The following ANKFN1 variants were observed in gnomAD, a reference collection of about 807,000 sequenced individuals.
The protein encoded by ANKFN1 is ankyrin repeat and fibronectin type-III domain-containing protein 1.
ANKFN1 carries 74 observed loss-of-function variants against 108.7 expected under a neutral mutation model. That is an observed-to-expected ratio of 0.68 (90% CI 0.56 to 0.83). The LOEUF (loss-of-function observed/expected upper bound fraction) is 0.83, where lower values mean the gene tolerates loss of function less well. Ranked by LOEUF, ANKFN1 falls within the 40% of genes least tolerant of loss-of-function variation. The pLI, the probability that ANKFN1 is intolerant of heterozygous loss-of-function variation, is 0.00. For synonymous variants in ANKFN1, 547 were observed against 516.2 expected (o/e 1.06, Z -0.81); for missense variants, 1,505 against 1,382.3 (o/e 1.09, Z -1.41).
At chr17:56,409,100 T>A (rs1163043040) in intron 8 of ANKFN1, among the ~76,000 whole-genome samples, 3 of 151,844 alleles carry the variant, frequency 2.0e-5, no homozygotes, top group East Asian at 1.9e-4. Context: ...AATTTTTGTA[T>A]TTTTAGTAAA....
intron 8 of ANKFN1, among the ~76,000 whole-genome samples, chr17:56,428,397 T>C (rs1051172115): frequency 1.3e-5 from 2 of 152,042 alleles, no homozygotes; most frequent in African/African-American, 2.4e-5. Flanking sequence ...GTTCACCTTT[T>C]GTGACATTAA....
At chr17:56,282,030 A>T (rs531380547) in intron 3 of ANKFN1, among the ~76,000 whole-genome samples, 1 of 152,236 alleles carries the variant, frequency 6.6e-6, no homozygotes, top group African/African-American at 2.4e-5. Context: ...AAAGACCTGT[A>T]CCTGAATATT....
chr17:56,275,844 A>G (rs186962995), intron 3 of ANKFN1, among the ~76,000 whole-genome samples: 2 of 152,272 alleles, frequency 1.3e-5, no homozygotes, highest in East Asian at 3.9e-4. Context: ...TAGGGCCTAG[A>G]TCAGCACTGT....
At chr17:56,111,700 A>G (rs1042914387) in intron 4 of ANKFN1, among the ~76,000 whole-genome samples, 1 of 152,190 alleles carries the variant, frequency 6.6e-6, no homozygotes, top group Non-Finnish European at 1.5e-5. Flanking sequence ...AAAAATGAAA[A>G]TCGATGGTGT....
intron 15 of ANKFN1, among the ~76,000 whole-genome samples, chr17:56,467,781 A>G (rs868423132): frequency 0.011 from 237 of 22,494 alleles, 4 homozygotes; most frequent in African/African-American, 0.02. Flanking sequence ...GAAAGAAAGA[A>G]AGAAAGAAAG....
rs71139913 is a variant in ANKFN1 at position 56,516,257 on chromosome 17, A to AGTGTGTGT, written c.*5006_*5013dup. Among the ~76,000 whole-genome samples, 3 of 148,362 alleles carry AGTGTGTGT rather than the reference A, an allele frequency of 2.0e-5. No homozygotes were observed. Among genetic ancestry groups the AGTGTGTGT allele is most frequent in the Non-Finnish European group, 3.0e-5 (2 of 66,756 alleles). The stretch of plus-strand genomic sequence containing the variant: ...GTTTGATGTTTGTGATTTTTAAAAA[A>AGTGTGTGT]GTGTGTGTGTGTGTGTGTGTGTGTG... On this transcript the variant is annotated 3_prime_UTR_variant, in exon 21 of 21. Transcript: ENST00000682825.
chr17:56,085,252 G>GA lies in ANKFN1; in HGVS notation c.288+38933dup, dbSNP rs561002471. On this transcript the variant is annotated intron_variant, in intron 4 of 12. Coordinates refer to the ANKFN1 transcript ENST00000635860. ...GGAACCTGTGAATGTGACCTTATTT[G>GA]AAAAAAGGCTCTTTGCAGATATAAC... is the stretch of plus-strand genomic sequence containing the variant. Among the ~76,000 whole-genome samples the GA allele has an allele frequency of 2.8e-3, 410 of 148,610 alleles. 15 individuals carry two copies. Among genetic ancestry groups the GA allele is most frequent in the Non-Finnish European group, 3.9e-3 (260 of 67,132 alleles).
intron 15 of ANKFN1, among the ~76,000 whole-genome samples, chr17:56,467,790 AG>A (rs369428488): frequency 0.034 from 2,252 of 65,688 alleles, 107 homozygotes; most frequent in African/African-American, 0.17. Flanking sequence ...AAAGAAAGAA[AG>A]AAGAAAGAAA....
intron 4 of ANKFN1, among the ~76,000 whole-genome samples, chr17:56,119,171 C>T (rs1337684267): frequency 6.6e-6 from 1 of 151,968 alleles, no homozygotes; most frequent in Admixed American, 6.6e-5. Context: ...TCACTGAAAT[C>T]GTGGGCACAA....
At chr17:56,505,630 G>T (rs557620736) in intron 20 of ANKFN1, among the ~76,000 whole-genome samples, 1 of 152,292 alleles carries the variant, frequency 6.6e-6, no homozygotes, top group Non-Finnish European at 1.5e-5. Flanking sequence ...AGACAAATAG[G>T]AAAATGGATA....
chr17:56,198,635 T>A (rs1419173011), intron 1 of ANKFN1, among the ~76,000 whole-genome samples: 1 of 152,362 alleles, frequency 6.6e-6, no homozygotes, highest in South Asian at 2.1e-4. Flanking sequence ...CTTTAGTGTA[T>A]CTGAAAATTA....
upstream of ANKFN1, chr17:56,153,432 C>G: frequency 1.3e-6 from 2 of 1,564,002 alleles, no homozygotes; most frequent in Non-Finnish European, 1.8e-6. Flanking sequence ...GCAACGGGAC[C>G]GTGTGGACAT....
chr17:56,053,942 C>T (rs1019877301), intron 4 of ANKFN1, among the ~76,000 whole-genome samples: 3 of 152,106 alleles, frequency 2.0e-5, no homozygotes, highest in African/African-American at 2.4e-5. Context: ...GATTTTAGTG[C>T]GCCTGCCATC....
intron 3 of ANKFN1, among the ~76,000 whole-genome samples, chr17:56,314,385 A>G (rs968402162): frequency 6.6e-6 from 1 of 152,238 alleles, no homozygotes; most frequent in Admixed American, 6.5e-5. Context: ...TACTCCAATC[A>G]GCAACCTAAA....
At chr17:56,441,476 G>C (rs923818040) in intron 9 of ANKFN1, among the ~76,000 whole-genome samples, 1 of 152,016 alleles carries the variant, frequency 6.6e-6, no homozygotes, top group Non-Finnish European at 1.5e-5. Context: ...TCTATACCAG[G>C]GGCCAGAACT....
At chr17:56,228,247 T>A in intron 3 of ANKFN1, 1 of 313,286 alleles carries the variant, frequency 3.2e-6, no homozygotes, top group Non-Finnish European at 5.8e-6. Flanking sequence ...TATGACCATG[T>A]GACACTAAAC....
chr17:56,334,577 T>A (rs188316336), intron 4 of ANKFN1, among the ~76,000 whole-genome samples: 1 of 152,260 alleles, frequency 6.6e-6, no homozygotes, highest in East Asian at 1.9e-4. Context: ...TGTATACGTA[T>A]TTGCTCATTT....
At chr17:56,135,670 G>A (rs1907556137) in intron 4 of ANKFN1, among the ~76,000 whole-genome samples, 2 of 152,160 alleles carry the variant, frequency 1.3e-5, no homozygotes, top group Admixed American at 6.5e-5. Context: ...CGGAAGTGAT[G>A]TACAGATTAG....
chr17:56,225,495 C>A (rs1916202699), intron 2 of ANKFN1, among the ~76,000 whole-genome samples: 1 of 152,152 alleles, frequency 6.6e-6, no homozygotes, highest in South Asian at 2.1e-4. Flanking sequence ...GTGATGTGAT[C>A]CCTCTAAACT....
Sources: allele counts gnomAD v4.1 joint callset (sites outside exome capture counted in the v4.1 genomes callset), GRCh38; gene constraint gnomAD v4.1.1; transcripts MANE v1.5; gene names NCBI Gene and HGNC (gene_info 2026-07-23, HGNC 2026-07-21).